Variants in KCNIP1 observed in about 807,000 individuals in gnomAD.
The protein encoded by KCNIP1 is potassium voltage-gated channel interacting protein 1.
Under a neutral mutation model 33.0 loss-of-function variants are expected in KCNIP1, and 18 were observed. The ratio of observed to expected loss-of-function variants is 0.55; its 90% CI spans 0.38 to 0.81. KCNIP1 has a LOEUF of 0.81. KCNIP1 is among the 30% of genes least tolerant of loss of function. The probability of loss-of-function intolerance (pLI) is 0.00; values close to 1 mark genes in which losing one functional copy is unlikely to be tolerated. For synonymous variants in KCNIP1, 93 were observed against 98.3 expected (o/e 0.95, Z 0.32); for missense variants, 238 against 271.6 (o/e 0.88, Z 0.87).
chr5:170,633,699 A>AGGGGGCGAGGGGGCGGGGGGGCGGAGGG (rs1760155938), intron 1 of KCNIP1, among the ~76,000 whole-genome samples: 1 of 26,184 alleles, frequency 3.8e-5, no homozygotes, highest in Non-Finnish European at 6.7e-5. Flanking sequence ...GGGGCGGAGG[A>AGGGGGCGAGGGGGCGGGGGGGCGGAGGG]GGGGGCGAGG....
At chr5:170,583,662 A>C (rs1452720043) in intron 1 of KCNIP1, among the ~76,000 whole-genome samples, 6 of 152,228 alleles carry the variant, frequency 3.9e-5, no homozygotes, top group Admixed American at 3.9e-4. Context: ...CTTGAGGCTC[A>C]ATAAACTTAA....
intron 1 of KCNIP1, among the ~76,000 whole-genome samples, chr5:170,616,397 G>A (rs371119087): frequency 6.6e-6 from 1 of 152,182 alleles, no homozygotes; most frequent in African/African-American, 2.4e-5. Flanking sequence ...TCACATCATC[G>A]TAGTTAAGGT....
chr5:170,681,707 C>A (rs1226766874), intron 1 of KCNIP1, among the ~76,000 whole-genome samples: 1 of 152,200 alleles, frequency 6.6e-6, no homozygotes, highest in Non-Finnish European at 1.5e-5. Flanking sequence ...TATTCCAAAG[C>A]CACCTCCTCA....
chr5:170,661,583 G>T (rs1028466553), intron 1 of KCNIP1, among the ~76,000 whole-genome samples: 2 of 152,072 alleles, frequency 1.3e-5, no homozygotes, highest in Non-Finnish European at 2.9e-5. Context: ...GGGGCCTTCA[G>T]CAGCTGCATT....
Position 170,410,376 on chromosome 5 carries a change from G to A in KCNIP1, c.88+56412G>A, listed in dbSNP as rs550774066. On this transcript the variant is annotated intron_variant, in intron 1 of 7. Coordinates refer to the KCNIP1 transcript ENST00000377360. ...CGCAGACACAGTGCAGGTGCACCTG[G>A]GTCCCCCATGCAGGGTATTGCAGAC... Among the ~76,000 whole-genome samples, 4 of 152,228 alleles carry A rather than the reference G, an allele frequency of 2.6e-5. No homozygotes were observed. The East Asian group carries it at 7.7e-4, about 29-fold the overall frequency.
At chr5:170,624,228 T>C (rs1203715343) in intron 1 of KCNIP1, among the ~76,000 whole-genome samples, 1 of 152,218 alleles carries the variant, frequency 6.6e-6, no homozygotes, top group African/African-American at 2.4e-5. Flanking sequence ...CCAAACCATA[T>C]TTATTGAGCA....
At chr5:170,734,934 C>G (rs941150925) in intron 7 of KCNIP1, among the ~76,000 whole-genome samples, 2 of 152,206 alleles carry the variant, frequency 1.3e-5, no homozygotes, top group South Asian at 2.1e-4. Context: ...CCACCTCCAA[C>G]CTTGATTCCT....
intron 1 of KCNIP1, among the ~76,000 whole-genome samples, chr5:170,358,078 TC>T (rs1273141048): frequency 6.6e-6 from 1 of 152,124 alleles, no homozygotes. Context: ...CTCACAGACT[TC>T]CTGGGGGCCG....
At chr5:170,654,330 C>A (rs571530370) in intron 1 of KCNIP1, among the ~76,000 whole-genome samples, 4 of 152,126 alleles carry the variant, frequency 2.6e-5, no homozygotes, top group African/African-American at 7.2e-5. Context: ...ATGCTCCAAG[C>A]GGTAAAATGC....
chr5:170,388,024 C>CCTA (rs1554088670), intron 1 of KCNIP1, among the ~76,000 whole-genome samples: 1 of 152,120 alleles, frequency 6.6e-6, no homozygotes, highest in African/African-American at 2.4e-5. Context: ...ATCAGCCCCC[C>CCTA]CCAGCGCCCA....
intron 1 of KCNIP1, among the ~76,000 whole-genome samples, chr5:170,386,994 A>G (rs1278451839): frequency 6.6e-6 from 1 of 151,980 alleles, no homozygotes; most frequent in Admixed American, 6.6e-5. Flanking sequence ...CAGCCCCTCA[A>G]TCTATGCCGC....
intron 1 of KCNIP1, among the ~76,000 whole-genome samples, chr5:170,513,534 G>C (rs1755017935): frequency 6.6e-6 from 1 of 152,162 alleles, no homozygotes; most frequent in East Asian, 1.9e-4. Flanking sequence ...CCTGAATCTT[G>C]ACTCCACCAG....
intron 1 of KCNIP1, among the ~76,000 whole-genome samples, chr5:170,381,392 G>C (rs1357731320): frequency 6.6e-6 from 1 of 152,238 alleles, no homozygotes; most frequent in Non-Finnish European, 1.5e-5. Context: ...GAAAAGCTGA[G>C]GGCAGACTAT....
chr5:170,688,519 C>T (rs2202440), intron 1 of KCNIP1, among the ~76,000 whole-genome samples: 76,303 of 151,960 alleles, frequency 0.5, 19,999 homozygotes, highest in East Asian at 0.94. Context: ...CGCAGCCATG[C>T]TTCTCAACCA....
rs187309436 is a variant in KCNIP1 at position 170,422,169 on chromosome 5, C to G, written c.88+68205C>G. 242 of 152,312 alleles carry G rather than the reference C, an allele frequency of 1.6e-3. 2 individuals carry two copies. Among genetic ancestry groups the G allele is most frequent in the African/African-American group, 5.5e-3 (229 of 41,556 alleles). 9.4% of individuals were successfully genotyped at this position (152,312 alleles called of 1,614,324 possible). A position where few individuals can be genotyped will look rare whatever the true frequency, so the allele number is the denominator to read the frequency against. On this transcript the variant is annotated intron_variant, in intron 1 of 7. Coordinates refer to the KCNIP1 transcript ENST00000377360. The stretch of plus-strand genomic sequence containing the variant: ...GACATGCAAAACCATCATAGACAAA[C>G]AGCAAGAAAACAGCATCAAGGATGT...
chr5:170,693,641 C>T (rs1007181124), intron 1 of KCNIP1, among the ~76,000 whole-genome samples: 2 of 152,222 alleles, frequency 1.3e-5, no homozygotes, highest in Non-Finnish European at 2.9e-5. Flanking sequence ...CCTCCATCAA[C>T]ATGAACTGCT....
rs965445197 is a variant in KCNIP1 at position 170,598,197 on chromosome 5, G to A, written c.61+93564G>A. 1.6e-4 allele frequency among the ~76,000 whole-genome samples: 24 copies of A among 152,024 alleles called. 1 individual carries two copies. The highest frequency in any genetic ancestry group is 1.0e-3 in the Admixed American group (16 of 15,264). Reference sequence around the variant, plus strand: ...TCATTCATCTGCCTTCCACCAGCTCGACACCCTTTGAATGGGAGATGAGGG... The same window carrying A: ...TCATTCATCTGCCTTCCACCAGCTCAACACCCTTTGAATGGGAGATGAGGG... On this transcript the variant is annotated intron_variant, in intron 1 of 7. Transcript: ENST00000328939.
At chr5:170,367,421 G>GAAAGAAAGGAAGGAAAGAAA in intron 1 of KCNIP1, among the ~76,000 whole-genome samples, 1 of 74,734 alleles carries the variant, frequency 1.3e-5, no homozygotes, top group East Asian at 3.3e-4. Context: ...AAGAAAGAAA[G>GAAAGAAAGGAAGGAAAGAAA]GAAAGAAAGA....
chr5:170,693,879 G>A (rs1762805939), intron 1 of KCNIP1, among the ~76,000 whole-genome samples: 1 of 152,206 alleles, frequency 6.6e-6, no homozygotes. Flanking sequence ...GAAGCAGGCT[G>A]GAGGCAGTTC....
Sources: gnomAD v4.1 joint callset for allele counts (sites outside exome capture counted in the v4.1 genomes callset) on GRCh38, gnomAD v4.1.1 for gene constraint, MANE v1.5 for transcripts, NCBI Gene and HGNC (gene_info 2026-07-23, HGNC 2026-07-21) for gene names.